Variants in GPR176 observed in about 807,000 individuals in gnomAD.
The protein encoded by GPR176 is G-protein coupled receptor 176.
Under a neutral mutation model 35.4 loss-of-function variants are expected in GPR176, and 26 were observed. The ratio of observed to expected loss-of-function variants is 0.74; its 90% CI spans 0.54 to 1.02. The LOEUF is 1.02. Among genes scored for constraint, GPR176 ranks in the 50% least tolerant of loss-of-function variants. The probability of loss-of-function intolerance (pLI) is 0.00; values close to 1 mark genes in which losing one functional copy is unlikely to be tolerated. For synonymous variants in GPR176, 278 were observed against 271.3 expected (o/e 1.02, Z -0.24); for missense variants, 597 against 665.3 (o/e 0.90, Z 1.13).
intron 1 of GPR176, among the ~76,000 whole-genome samples, chr15:39,808,447 T>C (rs1899335105): frequency 6.6e-6 from 1 of 152,196 alleles, no homozygotes; most frequent in South Asian, 2.1e-4. Flanking sequence ...ATGTTGTTCA[T>C]ATGTCTGATT....
chr15:39,862,927 T>C (rs898800497), intron 1 of GPR176, among the ~76,000 whole-genome samples: 26 of 152,318 alleles, frequency 1.7e-4, no homozygotes, highest in African/African-American at 6.0e-4. Flanking sequence ...ATCTTGGAGA[T>C]GACAGCTCCT....
chr15:39,828,991 T>C (rs936288196), intron 1 of GPR176: 11 of 691,742 alleles, frequency 1.6e-5, no homozygotes, highest in South Asian at 3.0e-5. Context: ...AGTATGCGTA[T>C]CATGTGATAT....
intron 1 of GPR176, among the ~76,000 whole-genome samples, chr15:39,818,770 AAC>A (rs1287853351): frequency 1.3e-5 from 2 of 152,352 alleles, no homozygotes; most frequent in Admixed American, 1.3e-4. Context: ...CACGTCTCTC[AAC>A]ACACAGCAAC....
chr15:39,837,756 C>T (rs914633218), intron 1 of GPR176, among the ~76,000 whole-genome samples: 5 of 151,992 alleles, frequency 3.3e-5, no homozygotes, highest in African/African-American at 1.2e-4. Flanking sequence ...AAGACTAACT[C>T]CTCCAAAAGC....
intron 1 of GPR176, among the ~76,000 whole-genome samples, chr15:39,906,153 G>A (rs923910310): frequency 2.6e-5 from 4 of 152,282 alleles, no homozygotes; most frequent in East Asian, 3.9e-4. Context: ...TTCTATCAGC[G>A]GAAGACCCTT....
At chr15:39,887,467 TC>T (rs2032713699) in intron 1 of GPR176, among the ~76,000 whole-genome samples, 1 of 152,038 alleles carries the variant, frequency 6.6e-6, no homozygotes, top group Non-Finnish European at 1.5e-5. Context: ...GCATCATTCA[TC>T]CAACAGGTGA....
intron 1 of GPR176, among the ~76,000 whole-genome samples, chr15:39,882,393 T>C (rs1322588250): frequency 6.6e-6 from 1 of 152,310 alleles, no homozygotes; most frequent in Non-Finnish European, 1.5e-5. Flanking sequence ...ATATGCAGAG[T>C]ATGCATATCA....
chr15:39,879,981 T>C (rs1482636802), intron 1 of GPR176, among the ~76,000 whole-genome samples: 2 of 152,236 alleles, frequency 1.3e-5, no homozygotes, highest in Non-Finnish European at 2.9e-5. Flanking sequence ...TTCAAAGTCC[T>C]ATGTGGGTGA....
chr15:39,825,061 T>C (rs561436936), intron 1 of GPR176, among the ~76,000 whole-genome samples: 11 of 152,070 alleles, frequency 7.2e-5, no homozygotes, highest in African/African-American at 1.4e-4. Context: ...AGAAAAATTA[T>C]CCAGGCTTGG....
chr15:39,858,382 T>C (rs1039468514), intron 1 of GPR176, among the ~76,000 whole-genome samples: 15 of 152,138 alleles, frequency 9.9e-5, no homozygotes, highest in African/African-American at 2.2e-4. Context: ...CTATGAAAGA[T>C]TGCAACTCAG....
chr15:39,919,962 T>C lies in GPR176; in HGVS notation c.65A>G (p.Glu22Gly). 6.7e-7 allele frequency: 1 copy of C among 1,487,766 alleles called. No individual in the cohort carries two copies. Among genetic ancestry groups the C allele is most frequent in the Admixed American group, 2.5e-5 (1 of 40,420 alleles). The allele number at this position is 1,487,766 out of a possible 1,614,324, so 92.2% of individuals were successfully genotyped here. The change falls in exon 1 of 3, where the codon GAG (glutamate) becomes GGG (glycine). Residue 22 changes from glutamate (E) to glycine (G), a missense_variant. By Grantham distance (98) the Glu-to-Gly change is moderately conservative. Around this residue, in one of 3 missense-constraint regions of GPR176, gnomAD observed 126 missense variants for 112.4 expected, o/e 1.12. Transcript: ENST00000561100. Reference sequence around the variant, plus strand: ...CGCGCTGCGGTTCACACCCGCAGCCTCGGCGCCGGACGCGTTGTGCGGCTC... The same window carrying C: ...CGCGCTGCGGTTCACACCCGCAGCCCCGGCGCCGGACGCGTTGTGCGGCTC... ...ASEPHNASGA[E>G]AAGVNRSALG...
At chr15:39,863,483 C>T (rs1781928142) in intron 1 of GPR176, among the ~76,000 whole-genome samples, 1 of 151,820 alleles carries the variant, frequency 6.6e-6, no homozygotes, top group African/African-American at 2.4e-5. Context: ...AGCTTTAAAG[C>T]ATTTAAAAGT....
rs2140764068 is a variant in GPR176, at chr15:39,800,257, G to A, written c.*875C>T. 1 of 152,164 alleles carries A rather than the reference G, an allele frequency of 6.6e-6. No homozygotes were observed. The highest frequency in any genetic ancestry group is 3.4e-3 in the Middle Eastern group (1 of 294). 9.4% of individuals were successfully genotyped at this position (152,164 alleles called of 1,614,324 possible). A position where few individuals can be genotyped will look rare whatever the true frequency, so the allele number is the denominator to read the frequency against. On this transcript the variant is annotated 3_prime_UTR_variant, in exon 3 of 3. Coordinates refer to ENST00000561100, the MANE Select transcript of GPR176 (RefSeq NM_007223.3). ...CTGGTTGTTACATAGCACCTTTCAT[G>A]TGAGATCATAGGGAAGAAAAAAAAA...
Position 39,826,834 on chromosome 15 carries a change from T to C in GPR176, c.173-19576A>G, listed in dbSNP as rs1900692344. ...GCCTCCAAGGAAGAACCCTGACCAC[T>C]GACACAGTGTATCCTAATGAAATGG... On this transcript the variant is annotated intron_variant, in intron 1 of 2. Transcript: ENST00000561100. Among the ~76,000 whole-genome samples the C allele has an allele frequency of 2.6e-5, 4 of 152,120 alleles. No individual in the cohort carries two copies. The South Asian group carries it at 8.3e-4, about 32-fold the overall frequency.
intron 1 of GPR176, among the ~76,000 whole-genome samples, chr15:39,900,692 C>A (rs1324071004): frequency 6.6e-6 from 1 of 152,134 alleles, no homozygotes; most frequent in African/African-American, 2.4e-5. Flanking sequence ...CTTTGACCCA[C>A]CATTCCAGAA....
chr15:39,893,716 G>T (rs2032964394), intron 1 of GPR176, among the ~76,000 whole-genome samples: 2 of 150,306 alleles, frequency 1.3e-5, no homozygotes, highest in African/African-American at 2.4e-5. Flanking sequence ...GGGCGGGGCG[G>T]CTGGCCGGGC....
intron 1 of GPR176, among the ~76,000 whole-genome samples, chr15:39,893,327 A>G (rs1395385946): frequency 6.6e-6 from 1 of 152,078 alleles, no homozygotes; most frequent in Non-Finnish European, 1.5e-5. Context: ...GCTGCCTTCA[A>G]GCATCTGTTT....
intron 1 of GPR176, among the ~76,000 whole-genome samples, chr15:39,915,351 A>T (rs116647050): frequency 0.024 from 3,648 of 152,288 alleles, 80 homozygotes; most frequent in African/African-American, 0.054. Context: ...TTATAATGTT[A>T]CTAATTCCAT....
intron 1 of GPR176, among the ~76,000 whole-genome samples, chr15:39,917,341 C>CTT (rs766888618): frequency 1.6e-3 from 220 of 134,988 alleles, no homozygotes; most frequent in African/African-American, 5.4e-3. Context: ...TGTGATTGAA[C>CTT]TTTTTTTTTT....
Sources: allele counts gnomAD v4.1 joint callset (sites outside exome capture counted in the v4.1 genomes callset), GRCh38; gene constraint gnomAD v4.1.1; regional missense constraint gnomAD v4.1.1; transcripts MANE v1.5; gene names NCBI Gene and HGNC (gene_info 2026-07-23, HGNC 2026-07-21).